Variants in SPOCK1 observed in about 807,000 individuals in gnomAD.
SPOCK1 encodes the protein testican-1.
Under a neutral mutation model 55.3 loss-of-function variants are expected in SPOCK1, and 23 were observed. The observed-to-expected ratio is 0.42, with a 90% CI of 0.30 to 0.59. The LOEUF is 0.59. Among genes scored for constraint, SPOCK1 ranks in the 20% least tolerant of loss-of-function variants. The pLI is 0.22. For synonymous variants in SPOCK1, 226 were observed against 221.0 expected (o/e 1.02, Z -0.20); for missense variants, 499 against 552.5 (o/e 0.90, Z 0.97).
intron 2 of SPOCK1, among the ~76,000 whole-genome samples, chr5:137,486,214 T>A (rs1317073638): frequency 6.6e-6 from 1 of 152,192 alleles, no homozygotes; most frequent in African/African-American, 2.4e-5. Context: ...GCAGTGTCTG[T>A]ACCCATAAAA....
At chr5:137,187,959 C>T (rs1363689220) in intron 3 of SPOCK1, among the ~76,000 whole-genome samples, 10 of 152,126 alleles carry the variant, frequency 6.6e-5, no homozygotes, top group Admixed American at 1.3e-4. Context: ...GGCTCAAGAA[C>T]GGGAGTTTTT....
chr5:137,350,057 G>T (rs1750646235), intron 2 of SPOCK1, among the ~76,000 whole-genome samples: 1 of 152,092 alleles, frequency 6.6e-6, no homozygotes, highest in South Asian at 2.1e-4. Context: ...AGAAAAATTT[G>T]CCCAAGAGAT....
At chr5:137,131,437 G>A (rs1267238928) in intron 4 of SPOCK1, among the ~76,000 whole-genome samples, 1 of 151,808 alleles carries the variant, frequency 6.6e-6, no homozygotes, top group Non-Finnish European at 1.5e-5. Context: ...GTGAAACCTT[G>A]CTTCTGCTAA....
chr5:137,301,890 A>C (rs1757598569), intron 2 of SPOCK1, among the ~76,000 whole-genome samples: 1 of 152,152 alleles, frequency 6.6e-6, no homozygotes, highest in South Asian at 2.1e-4. Context: ...TCAATGAATA[A>C]TTTAAATACT....
intron 2 of SPOCK1, among the ~76,000 whole-genome samples, chr5:137,432,096 G>A (rs1199406533): frequency 2.6e-5 from 4 of 152,054 alleles, no homozygotes; most frequent in Admixed American, 1.3e-4. Context: ...AAACAAAAAC[G>A]AACCCAGAAA....
chr5:137,127,503 A>G (rs1173279223), intron 4 of SPOCK1, among the ~76,000 whole-genome samples: 2 of 152,148 alleles, frequency 1.3e-5, no homozygotes, highest in Admixed American at 1.3e-4. Context: ...TGAGACTCTC[A>G]CTCCAGTGGG....
Position 137,440,332 on chromosome 5 carries a change from A to C in SPOCK1, c.186+58041T>G, listed in dbSNP as rs377302188. On this transcript the variant is annotated intron_variant, in intron 2 of 10. Transcript: ENST00000394945. The stretch of plus-strand genomic sequence containing the variant: ...GAAAGGAAGGAAAGAGAAAAGACAA[A>C]GACAAAGGAAGAAGACAGAAAGGGA... 8.9e-4 allele frequency among the ~76,000 whole-genome samples: 135 copies of C among 152,336 alleles called. 1 individual carries two copies. The highest frequency in any genetic ancestry group is 2.9e-3 in the African/African-American group (121 of 41,578).
Position 137,051,257 on chromosome 5 carries a change from G to A in SPOCK1, c.589+16458C>T, listed in dbSNP as rs184768904. ...TTATTAGTAGTACTTTTCCAACTACGAGTTGCAATCTACGAATGGGTCCTC... is the reference window on the plus strand; with the variant it reads ...TTATTAGTAGTACTTTTCCAACTACAAGTTGCAATCTACGAATGGGTCCTC... On this transcript the variant is annotated intron_variant, in intron 6 of 10. Coordinates refer to ENST00000394945, the MANE Select transcript of SPOCK1 (RefSeq NM_004598.4). Among the ~76,000 whole-genome samples, 79 of 152,208 alleles carry A rather than the reference G, an allele frequency of 5.2e-4. No homozygotes were observed. The Middle Eastern group carries it at 0.01, about 20-fold the overall frequency.
intron 6 of SPOCK1, among the ~76,000 whole-genome samples, chr5:136,997,297 G>T (rs776821183): frequency 9.2e-5 from 14 of 152,096 alleles, no homozygotes; most frequent in Non-Finnish European, 1.8e-4. Flanking sequence ...AAAGTTCACT[G>T]CTTCTTATCT....
intron 3 of SPOCK1, among the ~76,000 whole-genome samples, chr5:137,182,573 G>C (rs908855185): frequency 6.6e-5 from 10 of 152,172 alleles, no homozygotes; most frequent in African/African-American, 2.4e-4. Context: ...CCACATTCCT[G>C]ACTGGATTTC....
chr5:137,455,986 C>A (rs1648847391), intron 2 of SPOCK1, among the ~76,000 whole-genome samples: 1 of 151,988 alleles, frequency 6.6e-6, no homozygotes, highest in Non-Finnish European at 1.5e-5. Context: ...TATGATCACA[C>A]CACTGCACTC....
chr5:137,489,200 G>T (rs1302341422), intron 2 of SPOCK1, among the ~76,000 whole-genome samples: 2 of 152,170 alleles, frequency 1.3e-5, no homozygotes, highest in Non-Finnish European at 2.9e-5. Flanking sequence ...CCCATGTGGT[G>T]CTGAAGTAAG....
At chr5:137,425,963 GAAAAAAAA>G (rs33927619) in intron 2 of SPOCK1, among the ~76,000 whole-genome samples, 1 of 108,960 alleles carries the variant, frequency 9.2e-6, no homozygotes, top group African/African-American at 3.5e-5. Flanking sequence ...GTACATTACA[GAAAAAAAA>G]AAAAAAAAAA....
chr5:137,323,154 C>A (rs1422514392), intron 2 of SPOCK1, among the ~76,000 whole-genome samples: 1 of 152,116 alleles, frequency 6.6e-6, no homozygotes, highest in Non-Finnish European at 1.5e-5. Context: ...CAAGCCATAG[C>A]AAAAAGTCAA....
chr5:137,089,318 C>T (rs1329365791), intron 5 of SPOCK1, among the ~76,000 whole-genome samples: 48 of 152,226 alleles, frequency 3.2e-4, no homozygotes, highest in Admixed American at 3.0e-3. Flanking sequence ...TCTGGTTAGT[C>T]CTTCTAGGGA....
At chr5:136,992,344 ACT>A in intron 7 of SPOCK1, 138 bp downstream of exon 7, 1 of 709,072 alleles carries the variant, frequency 1.4e-6, no homozygotes, top group Non-Finnish European at 2.3e-6. Flanking sequence ...TTTTAATCCA[ACT>A]TTTTTTTGAG....
At chr5:137,448,552 T>C (rs1447879740) in intron 2 of SPOCK1, among the ~76,000 whole-genome samples, 1 of 152,182 alleles carries the variant, frequency 6.6e-6, no homozygotes, top group Non-Finnish European at 1.5e-5. Flanking sequence ...ATGATTTCTT[T>C]TCATTAGGTA....
intron 4 of SPOCK1, among the ~76,000 whole-genome samples, chr5:137,124,400 G>A (rs538631979): frequency 1.3e-4 from 20 of 152,106 alleles, no homozygotes; most frequent in Non-Finnish European, 2.5e-4. Flanking sequence ...GGCTGAGTGC[G>A]CAACACAGGC....
At position 137,356,520 on chromosome 5, in the gene SPOCK1, T is replaced by G. The variant is rs556393272; in HGVS notation, c.187-89465A>C. Among the ~76,000 whole-genome samples the G allele has an allele frequency of 1.8e-3, 270 of 151,704 alleles. 1 individual carries two copies. The highest frequency in any genetic ancestry group is 6.1e-3 in the African/African-American group (254 of 41,338). ...CCTCCATTTTAGAGGCAGGGTGCGG[T>G]GGTTCAGGCTTGTAATCCCAGCACT... On this transcript the variant is annotated intron_variant, in intron 2 of 10. Coordinates refer to ENST00000394945, the MANE Select transcript of SPOCK1 (RefSeq NM_004598.4).
Sources: allele counts gnomAD v4.1 joint callset (sites outside exome capture counted in the v4.1 genomes callset), GRCh38; gene constraint gnomAD v4.1.1; transcripts MANE v1.5; gene names NCBI Gene and HGNC (gene_info 2026-07-23, HGNC 2026-07-21).